C10orf90: variants seen among roughly 807,000 people sequenced by gnomAD.
C10orf90 encodes chromosome 10 open reading frame 90, also known as (E2-independent) E3 ubiquitin-conjugating enzyme FATS.
Under a neutral mutation model 62.5 loss-of-function variants are expected in C10orf90, and 56 were observed. The observed-to-expected ratio is 0.90, with a 90% CI of 0.72 to 1.12. The LOEUF (loss-of-function observed/expected upper bound fraction) is 1.12, where lower values mean the gene tolerates loss of function less well. Ranked by LOEUF, C10orf90 falls within the 50% of genes most tolerant of loss-of-function variation. The pLI is 0.00. For missense variants in C10orf90, 970 were observed against 880.4 expected (o/e 1.10, Z -1.29); for synonymous variants, 386 against 340.4 (o/e 1.13, Z -1.47).
intron 2 of C10orf90, among the ~76,000 whole-genome samples, chr10:126,633,052 C>T (rs910083330): frequency 1.3e-5 from 2 of 152,188 alleles, no homozygotes; most frequent in Admixed American, 6.5e-5. Flanking sequence ...CAAGCCTATG[C>T]CAGGTCCTCT....
chr10:126,614,471 C>T (rs1372049770), intron 2 of C10orf90, among the ~76,000 whole-genome samples: 1 of 152,144 alleles, frequency 6.6e-6, no homozygotes, highest in Non-Finnish European at 1.5e-5. Flanking sequence ...CATGTATCAC[C>T]TTCTGCTCAA....
rs1281192950 is a variant in C10orf90, at chr10:126,565,416, T to TATTATATATATTATATTATATAA, written c.314-51478_314-51477insTTATATAATATAATATATATAAT. On this transcript the variant is annotated intron_variant, in intron 2 of 9. Transcript: ENST00000488181. ...TATATTATATTATATATAATATATATTATATATATTATATATATTATACAC... is the reference window on the plus strand; with the variant it reads ...TATATTATATTATATATAATATATATATTATATATATTATATTATATAATATATATATTATATATATTATACAC... Among the ~76,000 whole-genome samples, 136 of 15,642 alleles carry TATTATATATATTATATTATATAA rather than the reference T, an allele frequency of 8.7e-3. 2 individuals are homozygous for TATTATATATATTATATTATATAA. The highest frequency in any genetic ancestry group is 0.022 in the African/African-American group (132 of 6,040). 10.3% of individuals were successfully genotyped at this position (15,642 alleles called of 152,430 possible).
intron 2 of C10orf90, among the ~76,000 whole-genome samples, chr10:126,565,442 AC>A (rs1844362725): frequency 2.5e-5 from 1 of 40,670 alleles, no homozygotes; most frequent in Non-Finnish European, 5.9e-5. Flanking sequence ...TATTATACAC[AC>A]ACACACACAC....
chr10:126,669,677 A>G (rs1367429439), intron 1 of C10orf90, among the ~76,000 whole-genome samples: 1 of 149,216 alleles, frequency 6.7e-6, no homozygotes, highest in East Asian at 2.0e-4. Context: ...GACATTTTAA[A>G]TCTCCAAAGT....
intron 2 of C10orf90, among the ~76,000 whole-genome samples, chr10:126,562,868 A>G (rs1451033885): frequency 6.6e-6 from 1 of 152,158 alleles, no homozygotes; most frequent in East Asian, 1.9e-4. Flanking sequence ...CTGAGGCTGC[A>G]CTCGCACACA....
At chr10:126,442,633 G>GTGTA (rs1160734939) in intron 7 of C10orf90, among the ~76,000 whole-genome samples, 23 of 88,444 alleles carry the variant, frequency 2.6e-4, no homozygotes, top group African/African-American at 4.8e-4. Flanking sequence ...TTGTGTGTGT[G>GTGTA]TATATATATA....
intron 2 of C10orf90, among the ~76,000 whole-genome samples, chr10:126,550,284 T>C (rs1305548828): frequency 6.6e-6 from 1 of 151,624 alleles, no homozygotes; most frequent in Non-Finnish European, 1.5e-5. Flanking sequence ...CGTGACAAAA[T>C]TATAGAAAAG....
At chr10:126,646,687 A>G (rs1442711014) in intron 1 of C10orf90, 50 bp from the exon 2 acceptor site, 1 of 415,104 alleles carries the variant, frequency 2.4e-6, no homozygotes, top group Non-Finnish European at 4.7e-6. Context: ...GATTTGCCAG[A>G]TATATAATCT....
At chr10:126,647,490 C>A (rs1234481481) in intron 1 of C10orf90, among the ~76,000 whole-genome samples, 1 of 152,246 alleles carries the variant, frequency 6.6e-6, no homozygotes, top group Non-Finnish European at 1.5e-5. Flanking sequence ...GGGCAACCAG[C>A]TCTGGGGTTG....
chr10:126,507,249 C>T (rs376870570), intron 3 of C10orf90, among the ~76,000 whole-genome samples: 1 of 149,374 alleles, frequency 6.7e-6, no homozygotes, highest in African/African-American at 2.5e-5. Context: ...CCCAGCTACT[C>T]GGGAGGCTGA....
intron 1 of C10orf90, among the ~76,000 whole-genome samples, chr10:126,667,768 C>T (rs375322317): frequency 6.6e-6 from 1 of 152,194 alleles, no homozygotes; most frequent in Non-Finnish European, 1.5e-5. Context: ...AGGCTCATCC[C>T]ATCCTCCAGT....
At chr10:126,649,077 C>A (rs554362415) in intron 1 of C10orf90, among the ~76,000 whole-genome samples, 12 of 118,080 alleles carry the variant, frequency 1.0e-4, no homozygotes, top group Middle Eastern at 4.4e-3. Context: ...TCTCTCCCCC[C>A]CCCCCAGCAA....
In C10orf90 at chr10:126,617,639, G is replaced by T. The variant is rs192974668; in HGVS notation, c.313+28926C>A. Among the ~76,000 whole-genome samples the T allele has an allele frequency of 3.2e-3, 482 of 152,356 alleles. 2 individuals carry two copies. The highest frequency in any genetic ancestry group is 5.2e-3 in the Non-Finnish European group (353 of 68,040). ...CAAGAGCAGCATTCTCCACCACTGT[G>T]TCTCATTTGCTGGAATAACTTCCAA... On this transcript the variant is annotated intron_variant, in intron 2 of 9. Coordinates refer to ENST00000488181, the MANE Select transcript of C10orf90 (RefSeq NM_001350921.2).
intron 2 of C10orf90, among the ~76,000 whole-genome samples, chr10:126,556,372 G>A (rs543906282): frequency 6.6e-5 from 10 of 152,072 alleles, no homozygotes; most frequent in African/African-American, 1.2e-4. Context: ...ATAGAACACG[G>A]GCAGTTTCTC....
At chr10:126,640,171 G>A (rs1316165658) in intron 2 of C10orf90, among the ~76,000 whole-genome samples, 4 of 152,186 alleles carry the variant, frequency 2.6e-5, no homozygotes, top group East Asian at 1.9e-4. Flanking sequence ...CGCTGTGCAC[G>A]GCAGGGTGAA....
intron 5 of C10orf90, among the ~76,000 whole-genome samples, chr10:126,462,724 A>G (rs764281935): frequency 3.3e-5 from 5 of 152,138 alleles, no homozygotes; most frequent in Non-Finnish European, 7.4e-5. Context: ...CGTGGGATGC[A>G]TCTCCATGAT....
At chr10:126,660,528 G>T (rs1846488835) in intron 1 of C10orf90, among the ~76,000 whole-genome samples, 1 of 152,208 alleles carries the variant, frequency 6.6e-6, no homozygotes, top group Non-Finnish European at 1.5e-5. Context: ...CAGCCCTGTA[G>T]CCACAAGGAA....
intron 7 of C10orf90, among the ~76,000 whole-genome samples, chr10:126,441,064 G>C (rs1243459105): frequency 1.3e-5 from 2 of 152,124 alleles, no homozygotes; most frequent in Non-Finnish European, 2.9e-5. Flanking sequence ...AAGAATTCAG[G>C]AGGTTAGTTA....
chr10:126,467,600 C>T lies in C10orf90; in HGVS notation c.1535-2614G>A, dbSNP rs1026485032. Among the ~76,000 whole-genome samples, 24 of 152,124 alleles carry T rather than the reference C, an allele frequency of 1.6e-4. 1 individual carries two copies. Among genetic ancestry groups the T allele is most frequent in the Non-Finnish European group, 2.9e-5 (2 of 68,030 alleles). ...ATTCACTGGACGGGCGCTTAAAGCC[C>T]CCGTCCTGAGTCTGACACATGGAGA... On this transcript the variant is annotated intron_variant, in intron 4 of 9. Transcript: ENST00000488181.
Sources: allele counts gnomAD v4.1 joint callset (sites outside exome capture counted in the v4.1 genomes callset), GRCh38; gene constraint gnomAD v4.1.1; transcripts MANE v1.5; gene names NCBI Gene and HGNC (gene_info 2026-07-23, HGNC 2026-07-21).